The following OXR1 variants were observed in gnomAD, a reference collection of about 807,000 sequenced individuals.
The protein encoded by OXR1 is oxidation resistance 1.
OXR1 carries 41 observed loss-of-function variants against 104.6 expected under a neutral mutation model. The observed-to-expected ratio is 0.39, with a 90% CI of 0.31 to 0.51. The LOEUF (loss-of-function observed/expected upper bound fraction) is 0.51. Ranked by LOEUF, OXR1 falls within the 20% of genes least tolerant of loss-of-function variation. The pLI is 0.77. For missense variants in OXR1, 955 were observed against 1,031.9 expected, an observed-to-expected ratio of 0.93 and a Z score of 1.02; for synonymous variants, 348 against 348.4, an observed-to-expected ratio of 1.00 and a Z score of 0.01.
chr8:106,641,262 A>T (rs866906313), intron 3 of OXR1, among the ~76,000 whole-genome samples: 12 of 152,188 alleles, frequency 7.9e-5, no homozygotes, highest in African/African-American at 2.9e-4. Flanking sequence ...AGAGAGTAGG[A>T]TGTCTTGAAT....
chr8:106,291,533 A>G (rs556881898), intron 1 of OXR1, among the ~76,000 whole-genome samples: 88 of 152,352 alleles, frequency 5.8e-4, no homozygotes, highest in African/African-American at 2.0e-3. Flanking sequence ...GCAGTCTCCC[A>G]CTTAACTGTA....
intron 1 of OXR1, among the ~76,000 whole-genome samples, chr8:106,335,636 T>A (rs190567484): frequency 2.0e-3 from 309 of 152,194 alleles, no homozygotes; most frequent in African/African-American, 7.0e-3. Flanking sequence ...ATAAAAAAAA[T>A]TTTGATTTGA....
At chr8:106,461,903 C>G (rs905547398) in intron 2 of OXR1, among the ~76,000 whole-genome samples, 13 of 152,116 alleles carry the variant, frequency 8.5e-5, no homozygotes, top group African/African-American at 3.1e-4. Flanking sequence ...ATTAAAACAC[C>G]TAAAGATGCA....
Position 106,637,331 on chromosome 8 carries a change from A to G in OXR1, c.221-41879A>G, listed in dbSNP as rs889374691. 7.9e-5 allele frequency among the ~76,000 whole-genome samples: 12 copies of G among 151,942 alleles called. No individual in the cohort carries two copies. In the South Asian group the frequency reaches 8.3e-4, roughly 11 times the overall value. On this transcript the variant is annotated intron_variant, in intron 3 of 16. Coordinates refer to ENST00000517566, the MANE Select transcript of OXR1 (RefSeq NM_001198533.2). ...AGAAAGAACTTTAATGTGTGTGTGT[A>G]TATATATATATCCAAAATGGATTCT...
intron 2 of OXR1, among the ~76,000 whole-genome samples, chr8:106,424,412 T>A (rs892764264): frequency 1.3e-5 from 2 of 152,146 alleles, no homozygotes; most frequent in Non-Finnish European, 2.9e-5. Context: ...CTAAAATATA[T>A]AGTATGGTAA....
At chr8:106,516,160 T>C (rs1292012084) in intron 2 of OXR1, among the ~76,000 whole-genome samples, 1 of 152,056 alleles carries the variant, frequency 6.6e-6, no homozygotes, top group East Asian at 1.9e-4. Context: ...GAAATGCTGC[T>C]CCCTCATAAC....
rs938396561 is a variant in OXR1, at chr8:106,427,840, G to A, written c.23+68204G>A. Among the ~76,000 whole-genome samples, 12 of 152,122 alleles carry A rather than the reference G, an allele frequency of 7.9e-5. No individual in the cohort carries two copies. In the South Asian group the frequency reaches 1.0e-3, roughly 13 times the overall value. ...CCTGGGGGCACATGGTCTTAGTTGG[G>A]GGACAGAGGCTGACATGTTTCTGCC... On this transcript the variant is annotated intron_variant, in intron 2 of 16. Coordinates refer to ENST00000517566, the MANE Select transcript of OXR1 (RefSeq NM_001198533.2).
chr8:106,707,753 C>A (rs1343384332), intron 9 of OXR1: 1 of 153,384 alleles, frequency 6.5e-6, no homozygotes, highest in Non-Finnish European at 1.4e-5. Context: ...TTCTAATATA[C>A]TGTGCTTCTG....
At chr8:106,392,624 C>A (rs1389749127) in intron 2 of OXR1, among the ~76,000 whole-genome samples, 8 of 152,058 alleles carry the variant, frequency 5.3e-5, no homozygotes. Context: ...ATTGCTTTAT[C>A]AGCATAAAAA....
chr8:106,415,619 G>A (rs1253373988), intron 2 of OXR1, among the ~76,000 whole-genome samples: 1 of 151,134 alleles, frequency 6.6e-6, no homozygotes, highest in Non-Finnish European at 1.5e-5. Context: ...CTTCCTTCTC[G>A]GGAACAGCTC....
chr8:106,478,639 A>T (rs1186483569), intron 2 of OXR1, among the ~76,000 whole-genome samples: 1 of 151,864 alleles, frequency 6.6e-6, no homozygotes. Flanking sequence ...AGAATATTTT[A>T]GGATGACAGT....
Position 106,692,726 on chromosome 8 carries a change from A to T in OXR1, c.526-2A>T. 2 of 1,415,320 alleles carry T rather than the reference A, an allele frequency of 1.4e-6. No homozygotes were observed. The highest frequency in any genetic ancestry group is 1.9e-6 in the Non-Finnish European group (2 of 1,070,196). 87.7% of individuals were successfully genotyped at this position (1,415,320 alleles called of 1,614,324 possible). A position where few individuals can be genotyped will look rare whatever the true frequency, so the allele number is the denominator to read the frequency against. On this transcript the variant is annotated splice_acceptor_variant, in intron 6 of 16. Coordinates refer to ENST00000517566, the MANE Select transcript of OXR1 (RefSeq NM_001198533.2). LOFTEE classifies it high-confidence loss of function. ...TTTCTTTCCTTTAAAAAAAAAAAAAAGAATCCTGATGTCCATCCAACAGAA... is the reference window on the plus strand; with the variant it reads ...TTTCTTTCCTTTAAAAAAAAAAAAATGAATCCTGATGTCCATCCAACAGAA...
intron 2 of OXR1, among the ~76,000 whole-genome samples, chr8:106,395,958 C>A (rs1009950277): frequency 1.3e-5 from 2 of 151,964 alleles, no homozygotes; most frequent in African/African-American, 2.4e-5. Flanking sequence ...CAGGGGCCAA[C>A]CTAAATGAGT....
chr8:106,580,608 T>C (rs1818159276), intron 3 of OXR1, among the ~76,000 whole-genome samples: 1 of 152,184 alleles, frequency 6.6e-6, no homozygotes, highest in African/African-American at 2.4e-5. Flanking sequence ...TATCGGATCC[T>C]ATGGTATTTA....
At chr8:106,625,592 C>T (rs912736163) in intron 3 of OXR1, among the ~76,000 whole-genome samples, 3 of 152,122 alleles carry the variant, frequency 2.0e-5, no homozygotes, top group Non-Finnish European at 2.9e-5. Context: ...TGGTCACTGT[C>T]AGATTTAAGT....
chr8:106,406,600 G>A (rs1399907488), intron 2 of OXR1, among the ~76,000 whole-genome samples: 2 of 152,072 alleles, frequency 1.3e-5, no homozygotes, highest in Non-Finnish European at 2.9e-5. Context: ...AATCCAAAAA[G>A]GCTACATACT....
At chr8:106,334,138 A>G (rs1266564403) in intron 1 of OXR1, among the ~76,000 whole-genome samples, 2 of 152,336 alleles carry the variant, frequency 1.3e-5, no homozygotes, top group South Asian at 2.1e-4. Context: ...AATTTCTTTC[A>G]ACAATGTTTT....
chr8:106,411,192 G>A (rs1291156981), intron 2 of OXR1, among the ~76,000 whole-genome samples: 1 of 152,128 alleles, frequency 6.6e-6, no homozygotes, highest in Non-Finnish European at 1.5e-5. Flanking sequence ...TGACACTTAA[G>A]CTGAAACTTG....
chr8:106,510,756 T>G (rs1812471061), intron 2 of OXR1, among the ~76,000 whole-genome samples: 1 of 152,236 alleles, frequency 6.6e-6, no homozygotes. Flanking sequence ...ACCTGTGGCT[T>G]AATTCTTACA....
Sources: gnomAD v4.1 joint callset for allele counts (sites outside exome capture counted in the v4.1 genomes callset) on GRCh38, gnomAD v4.1.1 for gene constraint, MANE v1.5 for transcripts, NCBI Gene and HGNC (gene_info 2026-07-23, HGNC 2026-07-21) for gene names.